Variants in CWC27 observed in about 807,000 individuals in gnomAD.
The protein encoded by CWC27 is spliceosome-associated protein CWC27 homolog.
A neutral mutation model predicts 63.6 loss-of-function variants in CWC27; 47 were observed. The ratio of observed to expected loss-of-function variants is 0.74; its 90% CI spans 0.58 to 0.94. The LOEUF is 0.94. CWC27 is among the 40% of genes least tolerant of loss of function. The pLI is 0.00. For missense variants in CWC27, 495 were observed against 554.3 expected, an observed-to-expected ratio of 0.89 and a Z score of 1.07; for synonymous variants, 175 against 179.8, an observed-to-expected ratio of 0.97 and a Z score of 0.22.
chr5:64,772,099 G>A (rs150931467), intron 1 of CWC27, among the ~76,000 whole-genome samples: 178 of 152,276 alleles, frequency 1.2e-3, no homozygotes, highest in Non-Finnish European at 2.1e-3. Flanking sequence ...CAGATAGTGT[G>A]CGCAAGGTAA....
intron 10 of CWC27, among the ~76,000 whole-genome samples, chr5:64,863,627 T>C (rs899800951): frequency 2.6e-5 from 4 of 152,102 alleles, no homozygotes; most frequent in Admixed American, 2.0e-4. Flanking sequence ...CCCGAGTAGC[T>C]ATGACTATGG....
intron 10 of CWC27, among the ~76,000 whole-genome samples, chr5:64,809,898 A>G (rs1354771804): frequency 6.6e-6 from 1 of 152,086 alleles, no homozygotes; most frequent in Non-Finnish European, 1.5e-5. Flanking sequence ...TTTTAGTTTG[A>G]TGCAATCCTA....
At chr5:64,825,886 G>A (rs1282342191) in intron 10 of CWC27, among the ~76,000 whole-genome samples, 1 of 152,144 alleles carries the variant, frequency 6.6e-6, no homozygotes. Context: ...TGGGGACCTG[G>A]TTCAATCATT....
intron 10 of CWC27, among the ~76,000 whole-genome samples, chr5:64,814,125 T>C (rs1159323311): frequency 6.6e-6 from 1 of 151,872 alleles, no homozygotes; most frequent in Non-Finnish European, 1.5e-5. Context: ...GTTAGGGTAT[T>C]TTATGTGTGC....
chr5:64,917,171 G>A (rs1747906715), intron 11 of CWC27, among the ~76,000 whole-genome samples: 1 of 152,122 alleles, frequency 6.6e-6, no homozygotes, highest in Non-Finnish European at 1.5e-5. Flanking sequence ...TAATTTTGCA[G>A]TATTTTGTGA....
chr5:64,801,517 G>A (rs937655173), intron 9 of CWC27, among the ~76,000 whole-genome samples, 185 bp downstream of exon 9: 4 of 152,122 alleles, frequency 2.6e-5, no homozygotes, highest in East Asian at 3.9e-4. Flanking sequence ...TACTCTAGGG[G>A]TGTGCGTGTG....
intron 11 of CWC27, among the ~76,000 whole-genome samples, chr5:64,925,722 A>G (rs991235711): frequency 6.6e-6 from 1 of 152,198 alleles, no homozygotes; most frequent in Admixed American, 6.5e-5. Flanking sequence ...CAGTTTTTAC[A>G]TGTATACAAA....
intron 11 of CWC27, among the ~76,000 whole-genome samples, chr5:64,901,722 T>C (rs1561149214): frequency 6.6e-6 from 1 of 152,202 alleles, no homozygotes; most frequent in Non-Finnish European, 1.5e-5. Flanking sequence ...CTTTTTAATT[T>C]TTAACTTGAC....
At chr5:64,968,350 C>A (rs1749061816) in intron 11 of CWC27, among the ~76,000 whole-genome samples, 1 of 152,042 alleles carries the variant, frequency 6.6e-6, no homozygotes, top group Non-Finnish European at 1.5e-5. Context: ...TAAACATACA[C>A]TTATCACTTG....
intron 11 of CWC27, among the ~76,000 whole-genome samples, chr5:64,928,019 G>A (rs1387819110): frequency 1.3e-5 from 2 of 152,060 alleles, no homozygotes; most frequent in Admixed American, 6.6e-5. Context: ...GCCAGGCATG[G>A]TGGCAGGCAC....
intron 7 of CWC27, among the ~76,000 whole-genome samples, chr5:64,792,410 G>T (rs1399617439): frequency 6.6e-6 from 1 of 151,994 alleles, no homozygotes; most frequent in Non-Finnish European, 1.5e-5. Context: ...TCCATTTTTT[G>T]TGCCTTTCTT....
chr5:64,901,131 A>T (rs1244101425), intron 11 of CWC27, among the ~76,000 whole-genome samples: 2 of 152,192 alleles, frequency 1.3e-5, no homozygotes, highest in Non-Finnish European at 2.9e-5. Context: ...TTCCTAGGCT[A>T]TAATCCTGTA....
chr5:64,820,893 G>C (rs530500462), intron 10 of CWC27, among the ~76,000 whole-genome samples: 1 of 151,736 alleles, frequency 6.6e-6, no homozygotes, highest in African/African-American at 2.4e-5. Flanking sequence ...AGCATGATCT[G>C]TGGACAAAAA....
chr5:64,821,231 C>T (rs1318764267), intron 10 of CWC27, among the ~76,000 whole-genome samples: 2 of 151,938 alleles, frequency 1.3e-5, no homozygotes, highest in African/African-American at 4.8e-5. Flanking sequence ...ATTACAGGCA[C>T]GTGCCACCAC....
Position 64,781,912 on chromosome 5 carries a change from T to A in CWC27, c.140-9T>A. 1.4e-6 allele frequency: 2 copies of A among 1,426,976 alleles called. No individual in the cohort carries two copies. Among genetic ancestry groups the A allele is most frequent in the Non-Finnish European group, 2.0e-6 (2 of 1,025,076 alleles). 88.4% of individuals were successfully genotyped at this position (1,426,976 alleles called of 1,614,324 possible). On this transcript the variant is annotated splice_polypyrimidine_tract_variant and intron_variant, in intron 2 of 13. Transcript: ENST00000381070. The stretch of plus-strand genomic sequence containing the variant: ...AGACATTGATAAATTATTTTTATTT[T>A]TTTTTCAGCTTATTATGACAATACC...
chr5:64,999,673 T>C (rs768776906), intron 13 of CWC27, among the ~76,000 whole-genome samples: 44 of 152,108 alleles, frequency 2.9e-4, no homozygotes, highest in Non-Finnish European at 4.9e-4. Flanking sequence ...GATTTCATTC[T>C]TTTTTTATGG....
At chr5:64,870,112 T>C (rs1008314825) in intron 10 of CWC27, among the ~76,000 whole-genome samples, 3 of 152,098 alleles carry the variant, frequency 2.0e-5, no homozygotes, top group African/African-American at 7.2e-5. Context: ...TCCCAAAATG[T>C]TGAATTTTGG....
Position 64,789,018 on chromosome 5 carries a change from C to A in CWC27, c.667C>A (p.Gln223Lys). The A allele has an allele frequency of 6.3e-7, 1 of 1,599,978 alleles. No individual in the cohort carries two copies. Among genetic ancestry groups the A allele is most frequent in the South Asian group, 1.1e-5 (1 of 88,388 alleles). ...EEEEEVNRVSQSMKGKSKSSH... is the reference protein window; with the variant it reads ...EEEEEVNRVSKSMKGKSKSSH... ...AGAGGAGGAAGTAAATCGAGTTAGTCAGGTAATCTCTAATTTGCCCTTTGT... is the reference window on the plus strand; with the variant it reads ...AGAGGAGGAAGTAAATCGAGTTAGTAAGGTAATCTCTAATTTGCCCTTTGT... The change falls in exon 7 of 14, where the codon CAG (glutamine) becomes AAG (lysine). Residue 223 changes from glutamine (Q) to lysine (K), a missense_variant and splice_region_variant. This residue lies in a region of CWC27 where 463 missense variants were observed against 498.1 expected (regional missense o/e 0.93). Coordinates refer to ENST00000381070, the MANE Select transcript of CWC27 (RefSeq NM_005869.4).
chr5:64,770,037 G>A lies in CWC27; in HGVS notation c.42+849G>A, dbSNP rs1743189338. Among the ~76,000 whole-genome samples, 5 of 152,178 alleles carry A rather than the reference G, an allele frequency of 3.3e-5. No homozygotes were observed. The South Asian group carries it at 1.0e-3, about 32-fold the overall frequency. ...TGAATCAGCATATTGGAGAAAATGAGATTGGAAGTATATAGTTGAATTAAG... is the reference window on the plus strand; with the variant it reads ...TGAATCAGCATATTGGAGAAAATGAAATTGGAAGTATATAGTTGAATTAAG... On this transcript the variant is annotated intron_variant, in intron 1 of 13. Transcript: ENST00000381070.
Sources: allele counts gnomAD v4.1 joint callset (sites outside exome capture counted in the v4.1 genomes callset), GRCh38; gene constraint gnomAD v4.1.1; regional missense constraint gnomAD v4.1.1; transcripts MANE v1.5; gene names NCBI Gene and HGNC (gene_info 2026-07-23, HGNC 2026-07-21).